Variants in E2F3 observed in about 807,000 individuals in gnomAD.
The protein encoded by E2F3 is E2F transcription factor 3.
Under a neutral mutation model 44.4 loss-of-function variants are expected in E2F3, and 11 were observed. The ratio of observed to expected loss-of-function variants is 0.25; its 90% confidence interval spans 0.16 to 0.41. E2F3 has a LOEUF of 0.41. E2F3 is among the 10% of genes least tolerant of loss of function. The pLI, the probability that E2F3 is intolerant of heterozygous loss-of-function variation, is 1.00. For missense variants in E2F3, 487 were observed against 583.6 expected (o/e 0.83, Z 1.70); for synonymous variants, 249 against 253.0 (o/e 0.98, Z 0.15).
intron 1 of E2F3, among the ~76,000 whole-genome samples, chr6:20,435,860 C>T (rs1760555852): frequency 6.6e-6 from 1 of 152,070 alleles, no homozygotes; most frequent in African/African-American, 2.4e-5. Context: ...CAACAATAAA[C>T]ATTATTGTTA....
chr6:20,471,569 G>A lies in E2F3; in HGVS notation c.394-8277G>A, dbSNP rs142785474. ...GCACTCTAGCCTGGGCAAAAAGAGC[G>A]AAACTCCACTCAAAAAAATAAAATA... On this transcript the variant is annotated intron_variant, in intron 1 of 6. Transcript: ENST00000346618. Among the ~76,000 whole-genome samples, 919 of 152,166 alleles carry A rather than the reference G, an allele frequency of 6.0e-3. 4 individuals are homozygous for A. Among genetic ancestry groups the A allele is most frequent in the South Asian group, 0.033 (160 of 4,824 alleles).
At chr6:20,485,807 C>T (rs939914146) in intron 4 of E2F3, among the ~76,000 whole-genome samples, 2 of 152,166 alleles carry the variant, frequency 1.3e-5, no homozygotes, top group Non-Finnish European at 2.9e-5. Context: ...ACAACCAGCC[C>T]AGGTGCACTT....
At chr6:20,417,826 T>C (rs1219510791) in intron 1 of E2F3, among the ~76,000 whole-genome samples, 1 of 152,170 alleles carries the variant, frequency 6.6e-6, no homozygotes, top group Non-Finnish European at 1.5e-5. Context: ...GGTTCTGTTA[T>C]ATATAGTCCA....
intron 1 of E2F3, among the ~76,000 whole-genome samples, chr6:20,471,939 C>T (rs1056556283): frequency 6.6e-6 from 1 of 151,692 alleles, no homozygotes; most frequent in African/African-American, 2.4e-5. Flanking sequence ...ACACATATCT[C>T]TGCAACTTTA....
At chr6:20,430,562 G>A (rs113774776) in intron 1 of E2F3, among the ~76,000 whole-genome samples, 2 of 152,288 alleles carry the variant, frequency 1.3e-5, no homozygotes, top group Admixed American at 6.5e-5. Context: ...AGTTGTTCAC[G>A]TGACATTCAG....
intron 1 of E2F3, among the ~76,000 whole-genome samples, chr6:20,474,781 T>C (rs958566090): frequency 2.0e-5 from 3 of 152,200 alleles, no homozygotes; most frequent in Non-Finnish European, 4.4e-5. Flanking sequence ...TTCTTAGCCC[T>C]TTTTCAAGAG....
At position 20,490,076 on chromosome 6, in the gene E2F3, C is replaced by CT. The variant is rs1762511558; in HGVS notation, c.1136-86dup. The CT allele has an allele frequency of 1.5e-5, 20 of 1,378,462 alleles. No homozygotes were observed. Among genetic ancestry groups the CT allele is most frequent in the Non-Finnish European group, 1.9e-5 (19 of 1,020,626 alleles). 85.4% of individuals were successfully genotyped at this position (1,378,462 alleles called of 1,614,324 possible). On this transcript the variant is annotated intron_variant, in intron 6 of 6. Transcript: ENST00000346618. This position sits in a 1 kb window ranked among gnomAD's most constrained non-coding sequence, Gnocchi z 4.3. ...TGTCATTATTTGCGGAAGGTACATG[C>CT]TTTTTTCTAACAGCAACATATACAT...
At chr6:20,453,478 A>G (rs1055068032) in intron 1 of E2F3, among the ~76,000 whole-genome samples, 20 of 152,236 alleles carry the variant, frequency 1.3e-4, no homozygotes, top group African/African-American at 4.6e-4. Flanking sequence ...GCAGTGGTGC[A>G]GTGACGGCTC....
rs151305307 is a variant in E2F3, at chr6:20,490,233, G to T, written c.1201G>T (p.Ala401Ser). The T allele has an allele frequency of 2.2e-3, 3,617 of 1,614,008 alleles. 10 individuals carry two copies. The highest frequency in any genetic ancestry group is 2.9e-3 in the Non-Finnish European group (3,428 of 1,179,976). The stretch of plus-strand genomic sequence containing the variant: ...TTCTATGGGAAACCTTTCTCCTCTG[G>T]CCTCCCCAGCCAACCTCTTACAGCA... ...SVSMGNLSPL[A>S]SPANLLQQTE... Residue 401 changes from alanine (A) to serine (S), a missense_variant, in exon 7 of 7, where the codon GCC becomes TCC. Transcript: ENST00000346618. This position sits in a 1 kb window ranked among gnomAD's most constrained non-coding sequence, Gnocchi z 4.3.
chr6:20,469,683 T>G (rs989868641), intron 1 of E2F3, among the ~76,000 whole-genome samples: 1 of 152,202 alleles, frequency 6.6e-6, no homozygotes. Flanking sequence ...TAAAATATCC[T>G]AGTTTAGAAA....
At chr6:20,440,976 G>A (rs1760753573) in intron 1 of E2F3, among the ~76,000 whole-genome samples, 1 of 152,124 alleles carries the variant, frequency 6.6e-6, no homozygotes, top group South Asian at 2.1e-4. Context: ...GATAAGGGGA[G>A]GCCCAAAATC....
chr6:20,435,550 A>C (rs1262672159), intron 1 of E2F3, among the ~76,000 whole-genome samples: 4 of 152,230 alleles, frequency 2.6e-5, no homozygotes, highest in African/African-American at 9.6e-5. Context: ...CAAGAGATCG[A>C]GACCATCCTG....
At chr6:20,474,885 G>T (rs1248977653) in intron 1 of E2F3, among the ~76,000 whole-genome samples, 1 of 152,214 alleles carries the variant, frequency 6.6e-6, no homozygotes, top group African/African-American at 2.4e-5. Context: ...TCACTCAACA[G>T]GGGAGGAAAA....
intron 1 of E2F3, among the ~76,000 whole-genome samples, chr6:20,460,833 T>G (rs1020644794): frequency 4.6e-5 from 7 of 151,418 alleles, no homozygotes; most frequent in African/African-American, 1.7e-4. Context: ...CTATCTCTAC[T>G]AAAAATACAA....
At chr6:20,481,845 G>T (rs1386812155) in intron 3 of E2F3, among the ~76,000 whole-genome samples, 1 of 152,018 alleles carries the variant, frequency 6.6e-6, no homozygotes, top group Non-Finnish European at 1.5e-5. Context: ...ACGTACAACT[G>T]CATAGTTACA....
At chr6:20,407,766 A>G (rs1031518105) in intron 1 of E2F3, among the ~76,000 whole-genome samples, 3 of 152,188 alleles carry the variant, frequency 2.0e-5, no homozygotes, top group Non-Finnish European at 4.4e-5. Context: ...CAAATATTCC[A>G]TTTGTAGGAC....
chr6:20,403,756 T>G, intron 1 of E2F3: 1 of 1,475,726 alleles, frequency 6.8e-7, no homozygotes, highest in Non-Finnish European at 9.0e-7. Context: ...TGTTCGGCCC[T>G]CCGGGCCCCC....
chr6:20,484,739 T>C (rs986423844), intron 4 of E2F3, among the ~76,000 whole-genome samples: 3 of 152,214 alleles, frequency 2.0e-5, no homozygotes, highest in African/African-American at 4.8e-5. Context: ...AGATTTCGTG[T>C]GAATGTGCTT....
intron 1 of E2F3, among the ~76,000 whole-genome samples, chr6:20,470,839 G>A (rs969629356): frequency 6.6e-6 from 1 of 152,130 alleles, no homozygotes; most frequent in Non-Finnish European, 1.5e-5. Context: ...TCCCCACCAC[G>A]AAGCTGGATG....
Sources: allele counts gnomAD v4.1 joint callset (sites outside exome capture counted in the v4.1 genomes callset), GRCh38; gene constraint gnomAD v4.1.1; non-coding constraint Gnocchi (gnomAD v3.1); transcripts MANE v1.5; gene names NCBI Gene and HGNC (gene_info 2026-07-23, HGNC 2026-07-21).